The following UBE3C variants were observed in gnomAD, a reference collection of about 807,000 sequenced individuals.
UBE3C encodes the protein ubiquitin protein ligase E3C, also known as ubiquitin-protein ligase E3C.
Under a neutral mutation model 129.4 loss-of-function variants are expected in UBE3C, and 42 were observed. That is an observed-to-expected ratio of 0.32 (90% confidence interval 0.25 to 0.42). The LOEUF (loss-of-function observed/expected upper bound fraction) is 0.42. UBE3C is among the 10% of genes least tolerant of loss of function. UBE3C has a pLI of 1.00. For synonymous variants in UBE3C, 510 were observed against 492.4 expected (o/e 1.04, Z -0.47); for missense variants, 1,049 against 1,319.1 (o/e 0.80, Z 3.17).
At chr7:157,177,398 C>G (rs553475435) in intron 5 of UBE3C, among the ~76,000 whole-genome samples, 1 of 152,332 alleles carries the variant, frequency 6.6e-6, no homozygotes, top group East Asian at 1.9e-4. Flanking sequence ...CCCGATAAAC[C>G]TGGAGCTACA....
chr7:157,216,296 C>T (rs1251504936), intron 13 of UBE3C, among the ~76,000 whole-genome samples: 1 of 151,400 alleles, frequency 6.6e-6, no homozygotes, highest in East Asian at 1.9e-4. Context: ...AATTGCACCA[C>T]TTAGAGGTAT....
chr7:157,211,832 C>G (rs1467400614), intron 13 of UBE3C, among the ~76,000 whole-genome samples: 1 of 152,168 alleles, frequency 6.6e-6, no homozygotes, highest in Non-Finnish European at 1.5e-5. Context: ...GTGCCTGTTC[C>G]TGCAGTATCA....
chr7:157,189,542 CAG>C (rs1207165139), intron 10 of UBE3C, among the ~76,000 whole-genome samples: 1 of 152,182 alleles, frequency 6.6e-6, no homozygotes, highest in African/African-American at 2.4e-5. Context: ...GGTACTGTTT[CAG>C]AGTTTCATTG....
chr7:157,151,219 C>T (rs951105815), intron 1 of UBE3C, among the ~76,000 whole-genome samples: 6 of 152,210 alleles, frequency 3.9e-5, no homozygotes, highest in African/African-American at 1.2e-4. Flanking sequence ...TAGTCGTAAA[C>T]GCTGGCGCTG....
chr7:157,182,520 C>T (rs554018406), intron 8 of UBE3C, among the ~76,000 whole-genome samples, 192 bp downstream of exon 8: 1 of 152,146 alleles, frequency 6.6e-6, no homozygotes, highest in Admixed American at 6.5e-5. Context: ...AAAAGACTGA[C>T]ATATATATGT....
chr7:157,263,535 G>A (rs1025684604), intron 22 of UBE3C, among the ~76,000 whole-genome samples: 6 of 152,012 alleles, frequency 3.9e-5, no homozygotes, highest in Non-Finnish European at 5.9e-5. Flanking sequence ...GTGATGATGG[G>A]CACATATAGT....
At chr7:157,180,357 T>C (rs1245859708) in intron 6 of UBE3C, among the ~76,000 whole-genome samples, 3 of 152,248 alleles carry the variant, frequency 2.0e-5, no homozygotes, top group Non-Finnish European at 4.4e-5. Flanking sequence ...AAATTCTTGA[T>C]GTATTTTTAT....
chr7:157,154,693 C>T (rs1807854611), intron 1 of UBE3C, among the ~76,000 whole-genome samples: 3 of 152,120 alleles, frequency 2.0e-5, no homozygotes, highest in African/African-American at 4.8e-5. Flanking sequence ...AAGAAAGTCT[C>T]TTGGCGTATA....
At chr7:157,216,568 T>C (rs1795579639) in intron 13 of UBE3C, among the ~76,000 whole-genome samples, 1 of 152,144 alleles carries the variant, frequency 6.6e-6, no homozygotes, top group African/African-American at 2.4e-5. Context: ...CATGGGTTCT[T>C]ATCATGTAGC....
intron 10 of UBE3C, chr7:157,198,654 C>G (rs1809192008): frequency 4.7e-6 from 1 of 213,494 alleles, no homozygotes; most frequent in Non-Finnish European, 9.3e-6. Context: ...CCTGCCTCAG[C>G]CTCCTGAGCA....
At chr7:157,174,618 A>C (rs1277700587) in intron 4 of UBE3C, among the ~76,000 whole-genome samples, 1 of 151,880 alleles carries the variant, frequency 6.6e-6, no homozygotes, top group Non-Finnish European at 1.5e-5. Flanking sequence ...ACGCTCGGCT[A>C]ATTTTTGTAT....
intron 22 of UBE3C, among the ~76,000 whole-genome samples, chr7:157,265,049 A>G (rs181646809): frequency 1.4e-4 from 21 of 152,212 alleles, no homozygotes; most frequent in African/African-American, 4.1e-4. Context: ...TTAGTTGTTT[A>G]CAGCTCTTCC....
At chr7:157,169,688 G>C (rs1323873651) in intron 3 of UBE3C, among the ~76,000 whole-genome samples, 1 of 151,096 alleles carries the variant, frequency 6.6e-6, no homozygotes, top group African/African-American at 2.4e-5. Flanking sequence ...TTTTTGTTTT[G>C]TTTTTTGTTT....
rs574690669 is a variant in UBE3C at position 157,197,986 on chromosome 7, C to T, written c.1332-3735C>T. 4,251 of 1,609,472 alleles carry T rather than the reference C, an allele frequency of 2.6e-3. 13 individuals carry two copies. The highest frequency in any genetic ancestry group is 3.3e-3 in the Non-Finnish European group (3,925 of 1,176,464). Reference sequence around the variant, plus strand: ...AACCTCAATCTAGGTTTTATGTATTCTTGATCCTGATGGTCCTCCATATCC... The same window carrying T: ...AACCTCAATCTAGGTTTTATGTATTTTTGATCCTGATGGTCCTCCATATCC... On this transcript the variant is annotated intron_variant, in intron 10 of 22. Transcript: ENST00000348165.
chr7:157,165,505 C>T (rs945096776), intron 2 of UBE3C, among the ~76,000 whole-genome samples: 5 of 150,916 alleles, frequency 3.3e-5, no homozygotes, highest in African/African-American at 1.2e-4. Flanking sequence ...TCAAGCGATT[C>T]TCCTGCCTCA....
chr7:157,158,258 T>C (rs751552996), intron 1 of UBE3C, among the ~76,000 whole-genome samples: 4 of 152,048 alleles, frequency 2.6e-5, no homozygotes, highest in Non-Finnish European at 5.9e-5. Flanking sequence ...AATGAAGCCT[T>C]TTGAAAACCA....
intron 1 of UBE3C, among the ~76,000 whole-genome samples, chr7:157,151,950 C>T (rs1369981661): frequency 6.6e-6 from 1 of 152,194 alleles, no homozygotes; most frequent in Non-Finnish European, 1.5e-5. Context: ...GTTTGTTCCC[C>T]TTCTGTTCTA....
chr7:157,228,674 G>C (rs1795941141), intron 17 of UBE3C, among the ~76,000 whole-genome samples: 1 of 152,226 alleles, frequency 6.6e-6, no homozygotes, highest in Non-Finnish European at 1.5e-5. Flanking sequence ...ACCCAGAGGT[G>C]GCGGGCACGG....
At chr7:157,228,723 C>A (rs2116631331) in intron 17 of UBE3C, among the ~76,000 whole-genome samples, 1 of 152,264 alleles carries the variant, frequency 6.6e-6, no homozygotes, top group East Asian at 1.9e-4. Context: ...GCAGAGTGGC[C>A]CCATCTTGTC....
Sources: gnomAD v4.1 joint callset for allele counts (sites outside exome capture counted in the v4.1 genomes callset) on GRCh38, gnomAD v4.1.1 for gene constraint, MANE v1.5 for transcripts, NCBI Gene and HGNC (gene_info 2026-07-23, HGNC 2026-07-21) for gene names.